Variants in HMGCLL1 observed in about 807,000 individuals in gnomAD.
The protein encoded by HMGCLL1 is 3-hydroxymethyl-3-methylglutaryl-CoA lyase, cytoplasmic.
A neutral mutation model predicts 39.1 loss-of-function variants in HMGCLL1; 36 were observed. The observed-to-expected ratio is 0.92, with a 90% CI of 0.71 to 1.22. The LOEUF (loss-of-function observed/expected upper bound fraction) is 1.22. Among genes scored for constraint, HMGCLL1 ranks in the 50% most tolerant of loss-of-function variants. HMGCLL1 has a pLI of 0.00. For synonymous variants in HMGCLL1, 149 were observed against 144.0 expected, an observed-to-expected ratio of 1.03 and a Z score of -0.25; for missense variants, 451 against 416.5, an observed-to-expected ratio of 1.08 and a Z score of -0.72.
chr6:55,437,619 A>G (rs1228111557), intron 8 of HMGCLL1, among the ~76,000 whole-genome samples: 6 of 152,000 alleles, frequency 3.9e-5, no homozygotes, highest in Non-Finnish European at 5.9e-5. Flanking sequence ...ACCCTGGAAA[A>G]GGTAATAATA....
chr6:55,438,304 C>T (rs1240332066), intron 8 of HMGCLL1, among the ~76,000 whole-genome samples: 2 of 152,074 alleles, frequency 1.3e-5, no homozygotes, highest in Non-Finnish European at 1.5e-5. Flanking sequence ...CAAGTGAAAT[C>T]AGTCTTTCAA....
chr6:55,651,602 T>C, the HMGCLL1 span, among the ~76,000 whole-genome samples: 2 of 152,072 alleles, frequency 1.3e-5, no homozygotes, highest in African/African-American at 4.8e-5. Context: ...GGTTTCTCCC[T>C]AGGTCATGTG....
chr6:55,462,349 T>C (rs1764608251), intron 7 of HMGCLL1, among the ~76,000 whole-genome samples: 1 of 152,126 alleles, frequency 6.6e-6, no homozygotes, highest in African/African-American at 2.4e-5. Context: ...TCACCATGTA[T>C]GCTCATGTCT....
the HMGCLL1 span, among the ~76,000 whole-genome samples, chr6:55,623,749 CATATATGTGTGTAT>C: frequency 6.6e-6 from 1 of 150,758 alleles, no homozygotes; most frequent in Non-Finnish European, 1.5e-5. Context: ...TATGTGTGTA[CATATATGTGTGTAT>C]ATATGTGCAT....
At chr6:55,563,855 T>C (rs2127472065) in intron 1 of HMGCLL1, 4 of 1,286,414 alleles carry the variant, frequency 3.1e-6, no homozygotes, top group South Asian at 1.2e-5. Flanking sequence ...TCAAATATGA[T>C]GGGGATCAGG....
intron 1 of HMGCLL1, among the ~76,000 whole-genome samples, chr6:55,552,739 A>G (rs1020417140): frequency 6.6e-6 from 1 of 152,008 alleles, no homozygotes; most frequent in African/African-American, 2.4e-5. Flanking sequence ...ACAGAGACTA[A>G]TTTTGAAGGA....
chr6:55,454,486 T>C (rs764841760), intron 7 of HMGCLL1, among the ~76,000 whole-genome samples: 5 of 152,168 alleles, frequency 3.3e-5, no homozygotes, highest in African/African-American at 9.7e-5. Flanking sequence ...AAACCTGGCA[T>C]AGAAAGCTTA....
Position 55,579,113 on chromosome 6 carries a change from G to C in HMGCLL1, c.-58C>G. On this transcript the variant is annotated 5_prime_UTR_variant, in exon 1 of 9. Coordinates refer to ENST00000274901, the MANE Select transcript of HMGCLL1 (RefSeq NM_001042406.2). Reference sequence around the variant, plus strand: ...GGGAGACTGGAGGAGGATGAGGGGCGGGCACCGCGCTGGGAAACTGCGCCA... The same window carrying C: ...GGGAGACTGGAGGAGGATGAGGGGCCGGCACCGCGCTGGGAAACTGCGCCA... The C allele has an allele frequency of 1.5e-6, 2 of 1,331,914 alleles. No homozygotes were observed. The highest frequency in any genetic ancestry group is 2.1e-6 in the Non-Finnish European group (2 of 944,510). The allele number at this position is 1,331,914 out of a possible 1,614,324, so 82.5% of individuals were successfully genotyped here.
At chr6:55,485,808 G>A (rs1351756173) in intron 7 of HMGCLL1, among the ~76,000 whole-genome samples, 4 of 151,758 alleles carry the variant, frequency 2.6e-5, no homozygotes, top group Non-Finnish European at 5.9e-5. Context: ...GAGGTTTGCT[G>A]AATTTAGCAA....
At chr6:55,542,486 A>C (rs999983714) in intron 1 of HMGCLL1, among the ~76,000 whole-genome samples, 1 of 152,056 alleles carries the variant, frequency 6.6e-6, no homozygotes, top group Admixed American at 6.6e-5. Flanking sequence ...GTTCATTTAA[A>C]AATTACATCT....
chr6:55,577,158 G>A (rs563974966), intron 1 of HMGCLL1: 22 of 1,590,772 alleles, frequency 1.4e-5, no homozygotes, highest in Non-Finnish European at 1.8e-5. Context: ...AGGTTTGTTA[G>A]AAGAGAAGTC....
At chr6:55,628,229 G>A in the HMGCLL1 span, among the ~76,000 whole-genome samples, 1 of 102,456 alleles carries the variant, frequency 9.8e-6, no homozygotes, top group Non-Finnish European at 1.9e-5. Flanking sequence ...CCCTATAAGA[G>A]AACCCTGACT....
chr6:55,541,826 G>C lies in HMGCLL1; in HGVS notation c.200C>G (p.Pro67Arg). Residue 67 changes from proline to arginine, a missense_variant, in exon 3 of 9, where the codon CCT becomes CGT. Pro to Arg is a moderately radical substitution (Grantham distance 103, BLOSUM62 -2). Transcript: ENST00000274901. The part of the protein sequence containing the change: ...DGLQNEKVIV[P>R]TDIKIEFINR... ...GATAAATTCAATTTTTATATCTGTAGGAACTATAACCTATGAAAACAAAAA... is the reference window on the plus strand; with the variant it reads ...GATAAATTCAATTTTTATATCTGTACGAACTATAACCTATGAAAACAAAAA... The C allele has an allele frequency of 6.3e-7, 1 of 1,585,634 alleles. No homozygotes were observed. The highest frequency in any genetic ancestry group is 1.3e-5 in the African/African-American group (1 of 74,102).
At chr6:55,493,037 A>C (rs1465783171) in intron 7 of HMGCLL1, among the ~76,000 whole-genome samples, 1 of 150,206 alleles carries the variant, frequency 6.7e-6, no homozygotes, top group African/African-American at 2.4e-5. Flanking sequence ...TCCTTAAAAA[A>C]TATATTTATA....
chr6:55,455,414 G>A (rs568505771), intron 7 of HMGCLL1, among the ~76,000 whole-genome samples: 1 of 152,002 alleles, frequency 6.6e-6, no homozygotes, highest in African/African-American at 2.4e-5. Flanking sequence ...CACCCGAAAT[G>A]GTGCAGTTGA....
chr6:55,532,818 T>G (rs200611370), intron 3 of HMGCLL1, among the ~76,000 whole-genome samples: 1 of 78,380 alleles, frequency 1.3e-5, no homozygotes, highest in African/African-American at 3.5e-5. Flanking sequence ...ATAATAATAA[T>G]AATAATAATA....
intron 3 of HMGCLL1, among the ~76,000 whole-genome samples, chr6:55,539,733 G>GA (rs778132394): frequency 1.5e-4 from 23 of 150,400 alleles, no homozygotes; most frequent in Non-Finnish European, 3.0e-4. Context: ...AGAGAATAAG[G>GA]AAAAATAACT....
intron 7 of HMGCLL1, among the ~76,000 whole-genome samples, chr6:55,491,150 A>T (rs191088224): frequency 1.8e-4 from 27 of 152,308 alleles, no homozygotes; most frequent in Admixed American, 1.3e-4. Flanking sequence ...GAACTGAGAA[A>T]CAAAGAGGTT....
At chr6:55,619,264 T>C in the HMGCLL1 span, among the ~76,000 whole-genome samples, 2 of 152,050 alleles carry the variant, frequency 1.3e-5, no homozygotes, top group Non-Finnish European at 2.9e-5. Flanking sequence ...ACATGTGAAA[T>C]TGTAGTGAAA....
Sources: allele counts gnomAD v4.1 joint callset (sites outside exome capture counted in the v4.1 genomes callset), GRCh38; gene constraint gnomAD v4.1.1; transcripts MANE v1.5; gene names NCBI Gene and HGNC (gene_info 2026-07-23, HGNC 2026-07-21).